HMCN1: variants seen among roughly 807,000 people sequenced by gnomAD.
HMCN1 encodes the protein hemicentin 1, also known as hemicentin-1.
A neutral mutation model predicts 625.9 loss-of-function variants in HMCN1; 321 were observed. The ratio of observed to expected loss-of-function variants is 0.51; its 90% CI spans 0.47 to 0.56. HMCN1 has a LOEUF of 0.56. HMCN1 is among the 20% of genes least tolerant of loss of function. HMCN1 has a pLI of 0.00. For synonymous variants in HMCN1, 2,425 were observed against 2,417.6 expected, an observed-to-expected ratio of 1.00 and a Z score of -0.09; for missense variants, 6,588 against 6,887.3, an observed-to-expected ratio of 0.96 and a Z score of 1.54.
intron 1 of HMCN1, among the ~76,000 whole-genome samples, chr1:185,773,164 T>G (rs1656361688): frequency 6.6e-6 from 1 of 152,126 alleles, no homozygotes; most frequent in Non-Finnish European, 1.5e-5. Context: ...CAGGGGACAT[T>G]TGGCATTGGC....
At position 185,942,982 on chromosome 1, in the gene HMCN1, C is replaced by A. The variant is rs185434038; in HGVS notation, c.1828+9158C>A. Among the ~76,000 whole-genome samples the A allele has an allele frequency of 1.6e-3, 244 of 152,044 alleles. 2 individuals are homozygous for A. Among genetic ancestry groups the A allele is most frequent in the African/African-American group, 5.3e-3 (219 of 41,484 alleles). On this transcript the variant is annotated intron_variant, in intron 11 of 106. Coordinates refer to ENST00000271588, the MANE Select transcript of HMCN1 (RefSeq NM_031935.3). ...AAAAAGCTGTTTTTCCCTCTACTCACATACCACTCAATACAACATTTCTGA... is the reference window on the plus strand; with the variant it reads ...AAAAAGCTGTTTTTCCCTCTACTCAAATACCACTCAATACAACATTTCTGA...
chr1:185,808,650 G>A (rs1410621328), intron 1 of HMCN1, among the ~76,000 whole-genome samples: 2 of 152,124 alleles, frequency 1.3e-5, no homozygotes, highest in African/African-American at 2.4e-5. Context: ...ATAAACCTAT[G>A]GCTGTATTTC....
At chr1:186,057,058 C>T (rs1657380354) in intron 45 of HMCN1, among the ~76,000 whole-genome samples, 176 bp from the exon 46 acceptor site, 2 of 151,870 alleles carry the variant, frequency 1.3e-5, no homozygotes, top group South Asian at 4.2e-4. Flanking sequence ...CACACACACA[C>T]ACACACACAG....
chr1:186,108,701 C>A, intron 71 of HMCN1, 104 bp downstream of exon 71: 1 of 1,280,370 alleles, frequency 7.8e-7, no homozygotes, highest in Non-Finnish European at 1.1e-6. Flanking sequence ...TAACATCAGG[C>A]TACTAATTAT....
intron 2 of HMCN1, among the ~76,000 whole-genome samples, chr1:185,858,450 C>T (rs936410762): frequency 4.6e-5 from 7 of 151,556 alleles, no homozygotes; most frequent in East Asian, 1.9e-4. Flanking sequence ...TTTTTTGAGA[C>T]GGAGTCTTAC....
At chr1:185,937,172 A>C (rs1667852841) in intron 11 of HMCN1, among the ~76,000 whole-genome samples, 1 of 152,212 alleles carries the variant, frequency 6.6e-6, no homozygotes, top group South Asian at 2.1e-4. Context: ...TTTCAAAAAG[A>C]CTTCAATTCT....
chr1:186,129,837 CTT>C (rs1661833825), intron 83 of HMCN1, 127 bp from the exon 84 acceptor site: 3 of 1,109,688 alleles, frequency 2.7e-6, no homozygotes, highest in African/African-American at 1.5e-5. Flanking sequence ...AAAAGGCTCT[CTT>C]CTCCAATGTC....
At chr1:185,822,710 C>A (rs1407005732) in intron 1 of HMCN1, among the ~76,000 whole-genome samples, 2 of 152,104 alleles carry the variant, frequency 1.3e-5, no homozygotes, top group Non-Finnish European at 2.9e-5. Context: ...AGTTGCCTGG[C>A]AGGAGTTAAT....
chr1:186,048,113 A>G (rs1257828271), intron 41 of HMCN1, among the ~76,000 whole-genome samples: 1 of 152,142 alleles, frequency 6.6e-6, no homozygotes, highest in East Asian at 1.9e-4. Flanking sequence ...ATCAGAAACC[A>G]TATGTGACAT....
At chr1:186,115,486 A>G in intron 75 of HMCN1, 72 bp downstream of exon 75, 3 of 1,383,272 alleles carry the variant, frequency 2.2e-6, no homozygotes, top group Non-Finnish European at 2.0e-6. Flanking sequence ...TAATTCTATC[A>G]GTGGGGTCAG....
At chr1:186,113,946 C>T (rs1661006861) in intron 72 of HMCN1, 33 bp from the exon 73 acceptor site, 2 of 1,613,202 alleles carry the variant, frequency 1.2e-6, no homozygotes, top group East Asian at 4.5e-5. Context: ...TATTTAGTCT[C>T]ACTGAATTTT....
At chr1:186,151,429 A>G (rs556209126) in intron 94 of HMCN1, 80 bp downstream of exon 94, 396 of 1,395,170 alleles carry the variant, frequency 2.8e-4, no homozygotes, top group Middle Eastern at 2.1e-4. Context: ...GTTCTAGAGA[A>G]TGCTACTACT....
rs764000303 is a variant in HMCN1 at position 186,007,198 on chromosome 1, C to T, written c.4546C>T (p.Arg1516Trp). 2.4e-5 allele frequency: 38 copies of T among 1,612,882 alleles called. No individual in the cohort carries two copies. The highest frequency in any genetic ancestry group is 1.6e-4 in the African/African-American group (12 of 74,860). The change falls in exon 30 of 107, where the codon CGG (arginine) becomes TGG (tryptophan). Residue 1516 changes from arginine to tryptophan, a missense_variant. By Grantham distance (101) the Arg-to-Trp change is moderately radical. Transcript: ENST00000271588. ...RGQVLHLKNA[R>W]RNDKGRYQCT... ...ACAAGTCTTACATTTAAAGAATGCA[C>T]GGAGAAATGACAAGGGGCGCTACCA...
At chr1:185,927,851 T>G (rs138520407) in intron 9 of HMCN1, among the ~76,000 whole-genome samples, 2 of 152,282 alleles carry the variant, frequency 1.3e-5, no homozygotes, top group African/African-American at 4.8e-5. Flanking sequence ...CATCGAGCTC[T>G]TTGAAACAGA....
intron 65 of HMCN1, 102 bp downstream of exon 65, chr1:186,093,360 T>C: frequency 1.3e-6 from 2 of 1,585,270 alleles, no homozygotes; most frequent in South Asian, 2.2e-5. Context: ...AGTTTTAAAT[T>C]TGATGCCACC....
In HMCN1 at chr1:186,108,364, A is replaced by G. The variant is rs113108330; in HGVS notation, c.10853-97A>G. ...TATAAATTAAATGAGTAATGTTTTAATTTTATGCCTCTTATTATTTCATAT... is the reference window on the plus strand; with the variant it reads ...TATAAATTAAATGAGTAATGTTTTAGTTTTATGCCTCTTATTATTTCATAT... On this transcript the variant is annotated intron_variant, in intron 70 of 106. Transcript: ENST00000271588. 5,038 of 1,570,226 alleles carry G rather than the reference A, an allele frequency of 3.2e-3. 124 individuals carry two copies. In the South Asian group the frequency reaches 0.038, roughly 12 times the overall value.
intron 10 of HMCN1, among the ~76,000 whole-genome samples, chr1:185,931,564 A>G (rs974617976): frequency 6.6e-6 from 1 of 152,018 alleles, no homozygotes; most frequent in African/African-American, 2.4e-5. Flanking sequence ...TTATATCTGA[A>G]GAGGAACTAG....
chr1:185,925,028 T>C lies in HMCN1; in HGVS notation c.1286-19T>C, dbSNP rs533890956. On this transcript the variant is annotated intron_variant, in intron 8 of 106. Transcript: ENST00000271588. ...TTCTTGCTTAAGTTTTTTGTTTTTG[T>C]TTTTGTTTTTTTTCCTAGATGCTCC... 5 of 1,583,528 alleles carry C rather than the reference T, an allele frequency of 3.2e-6. No individual in the cohort carries two copies. The East Asian group carries it at 6.9e-5, about 22-fold the overall frequency.
At chr1:185,859,130 G>A (rs1160082303) in intron 2 of HMCN1, among the ~76,000 whole-genome samples, 1 of 70,978 alleles carries the variant, frequency 1.4e-5, no homozygotes, top group African/African-American at 5.8e-5. Context: ...TATAAACTTT[G>A]TGTGTGTGTG....
Sources: gnomAD v4.1 joint callset for allele counts (sites outside exome capture counted in the v4.1 genomes callset) on GRCh38, gnomAD v4.1.1 for gene constraint, MANE v1.5 for transcripts, NCBI Gene and HGNC (gene_info 2026-07-23, HGNC 2026-07-21) for gene names.